GLRB: variants seen among roughly 807,000 people sequenced by gnomAD.
The protein encoded by GLRB is glycine receptor subunit beta.
A neutral mutation model predicts 54.2 loss-of-function variants in GLRB; 33 were observed. The ratio of observed to expected loss-of-function variants is 0.61; its 90% CI spans 0.46 to 0.81. The LOEUF is 0.81. Ranked by LOEUF, GLRB falls within the 40% of genes least tolerant of loss-of-function variation. The pLI, the probability that GLRB is intolerant of heterozygous loss-of-function variation, is 0.00. For missense variants in GLRB, 572 were observed against 584.6 expected, an observed-to-expected ratio of 0.98 and a Z score of 0.22; for synonymous variants, 209 against 208.2, an observed-to-expected ratio of 1.00 and a Z score of -0.03.
chr4:157,144,040 A>G (rs1736715668), intron 8 of GLRB, 81 bp downstream of exon 8: 2 of 1,375,274 alleles, frequency 1.5e-6, no homozygotes, highest in Non-Finnish European at 2.1e-6. Context: ...ACTACTTTGA[A>G]ACAATGAGTT....
At chr4:157,080,116 G>A (rs190462646) in intron 2 of GLRB, among the ~76,000 whole-genome samples, 11 of 152,264 alleles carry the variant, frequency 7.2e-5, no homozygotes, top group South Asian at 2.1e-4. Flanking sequence ...ATAGCCTTAT[G>A]TGTAGACTGT....
chr4:157,086,611 G>C (rs1167336378), intron 2 of GLRB, among the ~76,000 whole-genome samples: 2 of 152,160 alleles, frequency 1.3e-5, no homozygotes, highest in Admixed American at 6.5e-5. Flanking sequence ...TTCTATTTGA[G>C]ATGTTGTCAT....
intron 4 of GLRB, among the ~76,000 whole-genome samples, chr4:157,134,591 A>G (rs1465150637): frequency 6.6e-6 from 1 of 152,118 alleles, no homozygotes; most frequent in Non-Finnish European, 1.5e-5. Flanking sequence ...TCAAAAGGAG[A>G]TGAACTAATA....
intron 6 of GLRB, among the ~76,000 whole-genome samples, chr4:157,138,263 A>G (rs1003952165): frequency 6.6e-6 from 1 of 152,126 alleles, no homozygotes; most frequent in Non-Finnish European, 1.5e-5. Flanking sequence ...TTTAGTAGAC[A>G]TGGGGTTTCA....
Position 157,122,355 on chromosome 4 carries a change from C to A in GLRB, c.255C>A (p.Asn85Lys). ...GCATTCCTGTTGATGTAGTAGTCAA[C>A]ATTTTTATTAACAGTTTTGGATCCA... ...FKGIPVDVVV[N>K]IFINSFGSIQ... Residue 85 changes from asparagine (N) to lysine (K), a missense_variant, in exon 4 of 10, where the codon AAC (asparagine) becomes AAA (lysine). Coordinates refer to ENST00000264428, the MANE Select transcript of GLRB (RefSeq NM_000824.5). The A allele has an allele frequency of 7.7e-7, 1 of 1,299,646 alleles. No homozygotes were observed. Among genetic ancestry groups the A allele is most frequent in the Non-Finnish European group, 1.1e-6 (1 of 906,520 alleles). The allele number at this position is 1,299,646 out of a possible 1,614,324, so 80.5% of individuals were successfully genotyped here. A position where few individuals can be genotyped will look rare whatever the true frequency, so the allele number is the denominator to read the frequency against.
At chr4:157,150,318 TTTC>T (rs1277054961) in intron 8 of GLRB, among the ~76,000 whole-genome samples, 3 of 152,074 alleles carry the variant, frequency 2.0e-5, no homozygotes, top group Non-Finnish European at 4.4e-5. Flanking sequence ...GTGTGTTCAC[TTTC>T]TTCTTCTTAA....
chr4:157,115,747 G>T (rs911420322), intron 2 of GLRB, among the ~76,000 whole-genome samples: 1 of 151,722 alleles, frequency 6.6e-6, no homozygotes, highest in African/African-American at 2.4e-5. Flanking sequence ...AAGAGGCAAA[G>T]AATCACTGCC....
chr4:157,135,261 T>G (rs1483595661), intron 4 of GLRB, among the ~76,000 whole-genome samples: 1 of 152,136 alleles, frequency 6.6e-6, no homozygotes, highest in Non-Finnish European at 1.5e-5. Context: ...TTTATCATAA[T>G]ATTATGAATG....
chr4:157,103,986 A>G (rs570126546), intron 2 of GLRB, among the ~76,000 whole-genome samples: 2 of 151,982 alleles, frequency 1.3e-5, no homozygotes, highest in East Asian at 3.9e-4. Context: ...TCCTTTATAT[A>G]GATTATGCCA....
chr4:157,122,069 C>A (rs1410233375), intron 3 of GLRB, among the ~76,000 whole-genome samples: 3 of 146,774 alleles, frequency 2.0e-5, no homozygotes, highest in Admixed American at 1.4e-4. Context: ...AGAGTCTCTA[C>A]AATTTAAGAC....
chr4:157,120,042 G>T (rs533575680), intron 2 of GLRB, among the ~76,000 whole-genome samples: 1 of 151,556 alleles, frequency 6.6e-6, no homozygotes, highest in African/African-American at 2.4e-5. Flanking sequence ...ACCATGGAAT[G>T]CTATGCAGCC....
chr4:157,159,772 C>A (rs145201640), intron 9 of GLRB, among the ~76,000 whole-genome samples: 1 of 152,006 alleles, frequency 6.6e-6, no homozygotes, highest in East Asian at 1.9e-4. Context: ...GATGTTCATC[C>A]GGGATATTCA....
intron 9 of GLRB, among the ~76,000 whole-genome samples, chr4:157,168,713 C>T (rs1737809880): frequency 6.6e-6 from 1 of 151,926 alleles, no homozygotes; most frequent in Admixed American, 6.6e-5. Context: ...TTTCTGCAAA[C>T]ATATTTACAT....
chr4:157,125,288 G>T (rs1421891457), intron 4 of GLRB, among the ~76,000 whole-genome samples: 3 of 151,796 alleles, frequency 2.0e-5, no homozygotes, highest in Non-Finnish European at 4.4e-5. Context: ...GAGAGTATTA[G>T]ATTTGTCTAT....
At position 157,133,534 on chromosome 4, in the gene GLRB, C is replaced by A. The variant is rs545423122; in HGVS notation, c.298-2935C>A. Among the ~76,000 whole-genome samples the A allele has an allele frequency of 3.3e-5, 5 of 151,804 alleles. No homozygotes were observed. The East Asian group carries it at 9.7e-4, about 29-fold the overall frequency. ...TTATGTTTGACTGATGTTCAATATC[C>A]CTTATAGTTATTTTTTTAAAAGCAA... is the stretch of plus-strand genomic sequence containing the variant. On this transcript the variant is annotated intron_variant, in intron 4 of 9. Transcript: ENST00000264428.
chr4:157,130,280 G>A (rs1219133212), intron 4 of GLRB, among the ~76,000 whole-genome samples: 2 of 151,476 alleles, frequency 1.3e-5, no homozygotes, highest in East Asian at 3.9e-4. Flanking sequence ...CAGTGTTTTT[G>A]TTTGTTTGTT....
chr4:157,099,757 T>C (rs1032371240), intron 2 of GLRB, among the ~76,000 whole-genome samples: 1 of 152,220 alleles, frequency 6.6e-6, no homozygotes, highest in Non-Finnish European at 1.5e-5. Context: ...TTAGAAGATA[T>C]GGACAGTTTT....
At chr4:157,095,555 G>A (rs1218352305) in intron 2 of GLRB, among the ~76,000 whole-genome samples, 2 of 152,272 alleles carry the variant, frequency 1.3e-5, no homozygotes, top group East Asian at 1.9e-4. Context: ...CACTTAAAAA[G>A]TGACTTAGCT....
At chr4:157,094,182 G>A (rs1734722205) in intron 2 of GLRB, among the ~76,000 whole-genome samples, 1 of 152,146 alleles carries the variant, frequency 6.6e-6, no homozygotes, top group Admixed American at 6.5e-5. Flanking sequence ...TCTAGAAACA[G>A]AACATGTCCA....
Sources: allele counts gnomAD v4.1 joint callset (sites outside exome capture counted in the v4.1 genomes callset), GRCh38; gene constraint gnomAD v4.1.1; transcripts MANE v1.5; gene names NCBI Gene and HGNC (gene_info 2026-07-23, HGNC 2026-07-21).